Variants in CORO2B observed in about 807,000 individuals in gnomAD.
CORO2B encodes the protein coronin 2B.
In CORO2B, 26 loss-of-function variants were observed where a neutral mutation model predicts 58.8. The observed-to-expected ratio is 0.44, with a 90% CI of 0.32 to 0.61. The LOEUF is 0.61. CORO2B is among the 20% of genes least tolerant of loss of function. The probability of loss-of-function intolerance (pLI) is 0.04; values close to 1 mark genes in which losing one functional copy is unlikely to be tolerated. For synonymous variants in CORO2B, 242 were observed against 253.8 expected, an observed-to-expected ratio of 0.95 and a Z score of 0.44; for missense variants, 460 against 645.1, an observed-to-expected ratio of 0.71 and a Z score of 3.11.
At chr15:68,638,112 C>G (rs1314428522) in intron 1 of CORO2B, among the ~76,000 whole-genome samples, 1 of 152,100 alleles carries the variant, frequency 6.6e-6, no homozygotes, top group African/African-American at 2.4e-5. Context: ...ACCAGGATGG[C>G]CCTGGGCCCA....
chr15:68,562,948 G>A, the CORO2B span, among the ~76,000 whole-genome samples: 149 of 147,488 alleles, frequency 1.0e-3, no homozygotes, highest in African/African-American at 3.6e-3. Flanking sequence ...CTGCACTCCA[G>A]CCTGGGCGAC....
At chr15:68,573,303 AAG>A in the CORO2B span, among the ~76,000 whole-genome samples, 7 of 152,280 alleles carry the variant, frequency 4.6e-5, no homozygotes, top group African/African-American at 1.4e-4. Flanking sequence ...GGACAAAGAG[AAG>A]AGAGAGACGT....
intron 2 of CORO2B, among the ~76,000 whole-genome samples, chr15:68,690,703 AGAGTG>A (rs2140309587): frequency 7.0e-6 from 1 of 142,512 alleles, no homozygotes; most frequent in Non-Finnish European, 1.5e-5. Flanking sequence ...AGGCTGGAAG[AGAGTG>A]GCATGATCAT....
chr15:68,715,782 G>A (rs556677252), intron 8 of CORO2B, among the ~76,000 whole-genome samples: 2 of 152,330 alleles, frequency 1.3e-5, no homozygotes, highest in South Asian at 4.1e-4. Context: ...AGGCTCTCAG[G>A]CAGAAACCCA....
intron 2 of CORO2B, among the ~76,000 whole-genome samples, chr15:68,677,759 C>T (rs1902635987): frequency 6.6e-6 from 1 of 152,192 alleles, no homozygotes; most frequent in Non-Finnish European, 1.5e-5. Flanking sequence ...CACCCACTGC[C>T]CAGCCCCATT....
chr15:68,600,269 C>T (rs1266173532), intron 1 of CORO2B, among the ~76,000 whole-genome samples: 2 of 152,192 alleles, frequency 1.3e-5, no homozygotes, highest in Non-Finnish European at 2.9e-5. Context: ...TCCGTGGAGG[C>T]CTGGCTCCAG....
intron 1 of CORO2B, among the ~76,000 whole-genome samples, chr15:68,595,843 G>A (rs1899813353): frequency 6.6e-6 from 1 of 152,142 alleles, no homozygotes; most frequent in African/African-American, 2.4e-5. Context: ...CATTGAATGC[G>A]AGTCCTAAAG....
At chr15:68,673,835 T>TG (rs1491583659) in intron 2 of CORO2B, among the ~76,000 whole-genome samples, 2 of 92,696 alleles carry the variant, frequency 2.2e-5, no homozygotes, top group African/African-American at 8.3e-5. Context: ...AGACTCCGTC[T>TG]AAAAAAAAAA....
intron 2 of CORO2B, among the ~76,000 whole-genome samples, chr15:68,689,824 T>C (rs1183100630): frequency 6.6e-6 from 1 of 152,224 alleles, no homozygotes; most frequent in Non-Finnish European, 1.5e-5. Flanking sequence ...AAGTAATAAA[T>C]GTGCAGAGGT....
In CORO2B at chr15:68,645,253, A is replaced by T; in HGVS notation, c.109A>T (p.Thr37Ser). The change falls in exon 2 of 12, where the codon ACC becomes TCC. Residue 37 changes from threonine to serine, a missense_variant. This residue lies in a region of CORO2B where 352 missense variants were observed against 543.0 expected (regional missense o/e 0.65). Transcript: ENST00000261861. This position sits in a 1 kb window ranked among gnomAD's most constrained non-coding sequence, Gnocchi z 4.5. ...GCACTGCTTCGATGGGATCCCCATCACCAAGAATGTGCACGACAACCACTT... is the reference window on the plus strand; with the variant it reads ...GCACTGCTTCGATGGGATCCCCATCTCCAAGAATGTGCACGACAACCACTT... ...REHCFDGIPI[T>S]KNVHDNHFCA... The T allele has an allele frequency of 1.2e-6, 2 of 1,614,158 alleles. No individual in the cohort carries two copies. Among genetic ancestry groups the T allele is most frequent in the Non-Finnish European group, 1.7e-6 (2 of 1,180,014 alleles).
chr15:68,652,466 T>C (rs1177019586), intron 2 of CORO2B, among the ~76,000 whole-genome samples: 1 of 152,060 alleles, frequency 6.6e-6, no homozygotes, highest in African/African-American at 2.4e-5. Flanking sequence ...CACCTCCAGA[T>C]CCAGGCCACA....
chr15:68,657,662 A>G (rs988408689), intron 2 of CORO2B, among the ~76,000 whole-genome samples: 5 of 152,246 alleles, frequency 3.3e-5, no homozygotes, highest in African/African-American at 4.8e-5. Flanking sequence ...CATGATGTGC[A>G]TACATATTTT....
At chr15:68,625,486 C>T (rs146839406) in intron 1 of CORO2B, among the ~76,000 whole-genome samples, 4 of 152,198 alleles carry the variant, frequency 2.6e-5, no homozygotes, top group Middle Eastern at 3.4e-3. Flanking sequence ...AGCATTCATC[C>T]GTGTTCCATC....
Position 68,707,914 on chromosome 15 carries a change from G to A in CORO2B, c.334-2818G>A, listed in dbSNP as rs563019878. ...AGGAAAGAGCATTGGGGTATTCTGG[G>A]CCCCCTATACATCACTCCCTCCCCC... On this transcript the variant is annotated intron_variant, in intron 3 of 11. Transcript: ENST00000261861. Among the ~76,000 whole-genome samples the A allele has an allele frequency of 3.0e-3, 462 of 152,056 alleles. 6 individuals are homozygous for A. The highest frequency in any genetic ancestry group is 0.011 in the African/African-American group (447 of 41,454).
At chr15:68,663,491 C>G (rs1902080639) in intron 2 of CORO2B, among the ~76,000 whole-genome samples, 1 of 152,186 alleles carries the variant, frequency 6.6e-6, no homozygotes, top group Admixed American at 6.5e-5. Flanking sequence ...CGCGCACACA[C>G]ACGCAGAAGA....
intron 1 of CORO2B, among the ~76,000 whole-genome samples, chr15:68,635,046 C>T (rs554989207): frequency 6.6e-6 from 1 of 152,278 alleles, no homozygotes; most frequent in Non-Finnish European, 1.5e-5. Context: ...GCCTGCATTT[C>T]CACAAACACT....
intron 1 of CORO2B, among the ~76,000 whole-genome samples, chr15:68,636,198 G>A (rs780263811): frequency 2.0e-5 from 3 of 152,216 alleles, no homozygotes; most frequent in Non-Finnish European, 2.9e-5. Context: ...AGTGTGATGA[G>A]CCAGGAGCAA....
chr15:68,541,482 T>C, the CORO2B span, among the ~76,000 whole-genome samples: 3 of 151,910 alleles, frequency 2.0e-5, no homozygotes, highest in African/African-American at 7.3e-5. Flanking sequence ...GATGGGGGAG[T>C]TGGATCATCA....
At chr15:68,539,427 C>T in the CORO2B span, among the ~76,000 whole-genome samples, 2 of 152,154 alleles carry the variant, frequency 1.3e-5, no homozygotes, top group Non-Finnish European at 2.9e-5. Context: ...AATCCCAGCA[C>T]TTTGGGAGGC....
Sources: gnomAD v4.1 joint callset for allele counts (sites outside exome capture counted in the v4.1 genomes callset) on GRCh38, gnomAD v4.1.1 for gene constraint, gnomAD v4.1.1 regional missense constraint, Gnocchi (gnomAD v3.1) non-coding constraint, MANE v1.5 for transcripts, NCBI Gene and HGNC (gene_info 2026-07-23, HGNC 2026-07-21) for gene names.